FGF13: variants seen among roughly 807,000 people sequenced by gnomAD.
FGF13 encodes the protein fibroblast growth factor 13.
A neutral mutation model predicts 19.5 loss-of-function variants in FGF13; 2 were observed. The ratio of observed to expected loss-of-function variants is 0.10; its 90% CI spans 0.04 to 0.32. FGF13 has a LOEUF of 0.32. Among genes scored for constraint, FGF13 ranks in the 10% least tolerant of loss-of-function variants. The pLI is 1.00. For missense variants in FGF13, 113 were observed against 192.7 expected (o/e 0.59, Z 2.45); for synonymous variants, 72 against 76.9 (o/e 0.94, Z 0.33).
chrX:139,142,843 G>C (rs2083857071), intron 1 of FGF13, among the ~76,000 whole-genome samples: 1 of 111,879 alleles, frequency 8.9e-6, no homozygotes, highest in Non-Finnish European at 1.9e-5. Context: ...ATTGAATCAT[G>C]TTACCCTAGG....
chrX:139,187,881 A>T (rs995349602), intron 1 of FGF13, among the ~76,000 whole-genome samples: 1 of 112,153 alleles, frequency 8.9e-6, no homozygotes, highest in South Asian at 3.7e-4. Flanking sequence ...AAGGTGACTC[A>T]CTACTCTAGG....
At chrX:138,827,981 T>C (rs774164999) in intron 3 of FGF13, among the ~76,000 whole-genome samples, 1 of 111,678 alleles carries the variant, frequency 9.0e-6, no homozygotes, top group South Asian at 3.8e-4. Flanking sequence ...CTACGAGTTC[T>C]TTGTTTTAAT....
At chrX:138,993,611 T>C (rs2092028297) in intron 1 of FGF13, among the ~76,000 whole-genome samples, 1 of 111,240 alleles carries the variant, frequency 9.0e-6, no homozygotes, top group Non-Finnish European at 1.9e-5. Context: ...TTCTAAAAAC[T>C]CTTCCCTCAT....
intron 2 of FGF13, chrX:138,857,702 T>C (rs1254775490): frequency 8.9e-7 from 1 of 1,122,734 alleles, no homozygotes. Flanking sequence ...CATAACAAAA[T>C]GAACTCAAGT....
chrX:138,933,947 C>T (rs1455273918), intron 1 of FGF13, among the ~76,000 whole-genome samples: 1 of 112,160 alleles, frequency 8.9e-6, no homozygotes, highest in African/African-American at 3.2e-5. Flanking sequence ...GTTATGAACC[C>T]AGTATCCTAA....
chrX:138,874,534 CTT>C (rs1416200739), intron 1 of FGF13, among the ~76,000 whole-genome samples: 1 of 111,693 alleles, frequency 9.0e-6, no homozygotes, highest in Non-Finnish European at 1.9e-5. Context: ...CAAGACATCA[CTT>C]GACGCAAGTC....
At chrX:139,080,029 T>C (rs942385340) in intron 1 of FGF13, among the ~76,000 whole-genome samples, 18 of 107,128 alleles carry the variant, frequency 1.7e-4, no homozygotes, top group African/African-American at 6.3e-4. Flanking sequence ...GATCAGGTTT[T>C]TACATTGACC....
intron 1 of FGF13, among the ~76,000 whole-genome samples, chrX:139,186,190 A>C (rs1189684604): frequency 8.9e-6 from 1 of 111,791 alleles, no homozygotes; most frequent in Non-Finnish European, 1.9e-5. Context: ...CTGCAATCAC[A>C]GTGGGAAAAT....
intron 1 of FGF13, among the ~76,000 whole-genome samples, chrX:138,872,884 C>T (rs2091365858): frequency 9.0e-6 from 1 of 111,171 alleles, no homozygotes; most frequent in African/African-American, 3.3e-5. Flanking sequence ...AGGGGGAGGG[C>T]CTTTGTGACA....
intron 1 of FGF13, among the ~76,000 whole-genome samples, chrX:138,981,463 T>A (rs2091963565): frequency 9.0e-6 from 1 of 111,215 alleles, no homozygotes; most frequent in Admixed American, 9.5e-5. Context: ...GAAGAAATGA[T>A]CCTATTTTGA....
rs912707420 is a variant in FGF13 at position 138,620,727 on chromosome X, C to T, written c.*12123G>A. On this transcript the variant is annotated 3_prime_UTR_variant, in exon 5 of 5. Coordinates refer to ENST00000315930, the MANE Select transcript of FGF13 (RefSeq NM_004114.5). ...TGAAAAAGGAAGAACTAAGTACTTGCTATCTATAAGATAGTCACTTTAGCT... is the reference window on the plus strand; with the variant it reads ...TGAAAAAGGAAGAACTAAGTACTTGTTATCTATAAGATAGTCACTTTAGCT... 3 of 111,334 alleles carry T rather than the reference C, an allele frequency of 2.7e-5. No individual in the cohort carries two copies. The highest frequency in any genetic ancestry group is 3.8e-4 in the South Asian group (1 of 2,656). 9.2% of individuals were successfully genotyped at this position (111,334 alleles called of 1,213,427 possible).
chrX:138,922,656 G>C (rs2091652882), intron 1 of FGF13, among the ~76,000 whole-genome samples: 1 of 111,837 alleles, frequency 8.9e-6, no homozygotes. Context: ...TGACTTCATA[G>C]ACATATACTT....
intron 1 of FGF13, among the ~76,000 whole-genome samples, chrX:139,100,747 A>G (rs1392439941): frequency 9.0e-6 from 1 of 111,685 alleles, no homozygotes; most frequent in African/African-American, 3.3e-5. Flanking sequence ...CAAGCATCAC[A>G]TTCAAGAAGA....
At chrX:139,185,924 G>A (rs2084279752) in intron 1 of FGF13, among the ~76,000 whole-genome samples, 1 of 110,961 alleles carries the variant, frequency 9.0e-6, no homozygotes, top group Non-Finnish European at 1.9e-5. Context: ...AGTTCTTAAG[G>A]CCCAGTCCAG....
intron 1 of FGF13, among the ~76,000 whole-genome samples, chrX:138,892,176 G>A (rs147085838): frequency 0.028 from 3,088 of 110,744 alleles, 108 homozygotes; most frequent in African/African-American, 0.097. Flanking sequence ...CCAAATATGT[G>A]GTAGTTATAC....
intron 1 of FGF13, among the ~76,000 whole-genome samples, chrX:139,161,847 A>G (rs897672047): frequency 1.8e-5 from 2 of 111,843 alleles, no homozygotes; most frequent in African/African-American, 6.5e-5. Context: ...ACTTAAAGGG[A>G]TGTGAAGGAC....
chrX:138,771,959 G>A, intron 3 of FGF13, among the ~76,000 whole-genome samples: 1 of 96,858 alleles, frequency 1.0e-5, no homozygotes, highest in Non-Finnish European at 2.1e-5. Context: ...TTACATTGAG[G>A]AGAATAAAAA....
intron 1 of FGF13, among the ~76,000 whole-genome samples, chrX:139,128,921 C>T (rs2083738469): frequency 9.1e-6 from 1 of 109,577 alleles, no homozygotes; most frequent in South Asian, 3.9e-4. Context: ...TTTACTAGAC[C>T]TTCTGCAGTC....
intron 1 of FGF13, among the ~76,000 whole-genome samples, chrX:138,884,077 T>C (rs998587826): frequency 3.6e-5 from 4 of 111,390 alleles, no homozygotes; most frequent in African/African-American, 1.3e-4. Context: ...CTGGAAAAAA[T>C]TGTGACTCCA....
Sources: allele counts gnomAD v4.1 joint callset (sites outside exome capture counted in the v4.1 genomes callset), GRCh38; gene constraint gnomAD v4.1.1; transcripts MANE v1.5; gene names NCBI Gene and HGNC (gene_info 2026-07-23, HGNC 2026-07-21).